Variants in RFX7 observed in about 807,000 individuals in gnomAD.
RFX7 encodes the protein regulatory factor X7.
Under a neutral mutation model 111.8 loss-of-function variants are expected in RFX7, and 26 were observed. That is an observed-to-expected ratio of 0.23 (90% CI 0.17 to 0.32). The LOEUF is 0.32. Ranked by LOEUF, RFX7 falls within the 10% of genes least tolerant of loss-of-function variation. The pLI is 1.00. For synonymous variants in RFX7, 624 were observed against 624.4 expected (o/e 1.00, Z 0.01); for missense variants, 1,573 against 1,772.9 (o/e 0.89, Z 2.02).
intron 2 of RFX7, among the ~76,000 whole-genome samples, chr15:56,206,418 C>T (rs1264696682): frequency 2.6e-5 from 4 of 152,024 alleles, no homozygotes; most frequent in African/African-American, 9.7e-5. Flanking sequence ...GTGGCTGGTG[C>T]ACAATCATGA....
intron 2 of RFX7, among the ~76,000 whole-genome samples, chr15:56,194,447 C>T (rs1322202982): frequency 2.0e-5 from 3 of 152,072 alleles, no homozygotes; most frequent in Non-Finnish European, 2.9e-5. Context: ...TTAGCTTCTA[C>T]CCCTATAAAA....
chr15:56,150,023 TCGGGGGGTTGCGGGGTGGGG>T (rs568432751), intron 3 of RFX7, among the ~76,000 whole-genome samples: 52 of 89,096 alleles, frequency 5.8e-4, no homozygotes, highest in African/African-American at 1.8e-3. Flanking sequence ...TCGACCTTGG[TCGGGGGGTTGCGGGGTGGGG>T]CGGGGGGGTC....
chr15:56,125,606 T>TGA lies in RFX7; in HGVS notation c.401+17171_401+17172insTC, dbSNP rs1197014489. ...GTATTCTGAGGGTTTCTTCTGTGTG[T>TGA]GTGAGTGTGTGTGTGTGTGTGTGTG... On this transcript the variant is annotated intron_variant, in intron 5 of 9. Transcript: ENST00000559447. Among the ~76,000 whole-genome samples, 533 of 87,454 alleles carry TGA rather than the reference T, an allele frequency of 6.1e-3. 6 individuals are homozygous for TGA. Among genetic ancestry groups the TGA allele is most frequent in the African/African-American group, 0.021 (519 of 24,520 alleles). 57.4% of individuals were successfully genotyped at this position (87,454 alleles called of 152,430 possible).
intron 2 of RFX7, among the ~76,000 whole-genome samples, chr15:56,224,467 TTGTGTGTGTG>T (rs58795247): frequency 6.8e-6 from 1 of 147,204 alleles, no homozygotes; most frequent in African/African-American, 2.5e-5. Flanking sequence ...GATTAGGATT[TTGTGTGTGTG>T]TGTGTGTGTG....
chr15:56,095,933 T>A lies in RFX7; in HGVS notation c.1795A>T (p.Arg599Trp). 1 of 1,606,788 alleles carries A rather than the reference T, an allele frequency of 6.2e-7. No individual in the cohort carries two copies. The change falls in exon 10 of 10, where the codon AGG becomes TGG. Residue 599 changes from arginine (R) to tryptophan (W), a missense_variant. Coordinates refer to ENST00000559447, the MANE Select transcript of RFX7 (RefSeq NM_022841.7). Reference sequence around the variant, plus strand: ...TTACAGCGACTTTTACATTTGGTCCTCTGGTCACAGACCTTAGTTGCTTTT... The same window carrying A: ...TTACAGCGACTTTTACATTTGGTCCACTGGTCACAGACCTTAGTTGCTTTT... Reference protein sequence around the residue: ...EIKATKVCDQRTKCKSRCNEM... With the variant: ...EIKATKVCDQWTKCKSRCNEM...
intron 2 of RFX7, among the ~76,000 whole-genome samples, chr15:56,241,630 G>A (rs192336199): frequency 6.6e-6 from 1 of 152,106 alleles, no homozygotes; most frequent in Admixed American, 6.5e-5. Flanking sequence ...AAACCTTGAT[G>A]GCAAGCAAGA....
At chr15:56,188,968 G>A (rs1034974644) in intron 2 of RFX7, among the ~76,000 whole-genome samples, 7 of 152,032 alleles carry the variant, frequency 4.6e-5, no homozygotes, top group East Asian at 1.9e-4. Flanking sequence ...CAGTAGCTAC[G>A]CCACCATGCC....
intron 2 of RFX7, among the ~76,000 whole-genome samples, chr15:56,238,691 G>A (rs1198616677): frequency 6.6e-6 from 1 of 152,126 alleles, no homozygotes; most frequent in Non-Finnish European, 1.5e-5. Flanking sequence ...CTAAATTTGA[G>A]TAAATGCAGT....
intron 5 of RFX7, among the ~76,000 whole-genome samples, chr15:56,104,405 T>C (rs1024634160): frequency 6.6e-6 from 1 of 152,180 alleles, no homozygotes; most frequent in Non-Finnish European, 1.5e-5. Flanking sequence ...CCACACCTTA[T>C]TCTGGCCACC....
intron 2 of RFX7, among the ~76,000 whole-genome samples, chr15:56,209,289 G>GAA (rs765258300): frequency 1.5e-5 from 2 of 129,668 alleles, no homozygotes; most frequent in African/African-American, 2.8e-5. Flanking sequence ...AGTGTCAAGA[G>GAA]AAAAAAAAAA....
chr15:56,127,665 A>AGCCTCC (rs2042161936), intron 5 of RFX7, among the ~76,000 whole-genome samples: 1 of 150,740 alleles, frequency 6.6e-6, no homozygotes, highest in African/African-American at 2.4e-5. Context: ...CTCCTGCCTC[A>AGCCTCC]GCCTCCCATG....
chr15:56,154,478 A>G (rs1326207239), intron 3 of RFX7, among the ~76,000 whole-genome samples: 3 of 152,228 alleles, frequency 2.0e-5, no homozygotes, highest in Non-Finnish European at 4.4e-5. Flanking sequence ...ATAACTCCGC[A>G]TATCTACAAC....
chr15:56,141,890 T>C (rs766554829), intron 5 of RFX7, among the ~76,000 whole-genome samples: 5 of 151,860 alleles, frequency 3.3e-5, no homozygotes, highest in Non-Finnish European at 5.9e-5. Flanking sequence ...ATTTCAGATA[T>C]TTTTATCTAG....
At chr15:56,209,754 C>A (rs2043291603) in intron 2 of RFX7, among the ~76,000 whole-genome samples, 1 of 151,746 alleles carries the variant, frequency 6.6e-6, no homozygotes, top group Non-Finnish European at 1.5e-5. Context: ...AAAAGTGGAC[C>A]TGGATTAGTT....
chr15:56,220,760 T>C (rs2043418473), intron 2 of RFX7, among the ~76,000 whole-genome samples: 1 of 152,224 alleles, frequency 6.6e-6, no homozygotes, highest in South Asian at 2.1e-4. Context: ...CCGGTTCCTA[T>C]GACCAGAATG....
At chr15:56,171,182 T>C (rs1216770826) in intron 3 of RFX7, among the ~76,000 whole-genome samples, 2 of 152,122 alleles carry the variant, frequency 1.3e-5, no homozygotes, top group East Asian at 1.9e-4. Flanking sequence ...ACTGACTAGT[T>C]GTAAAGCAGG....
At chr15:56,237,121 A>G (rs2043632340) in intron 2 of RFX7, among the ~76,000 whole-genome samples, 3 of 152,170 alleles carry the variant, frequency 2.0e-5, no homozygotes, top group Non-Finnish European at 4.4e-5. Context: ...ATTGTTGTCA[A>G]TATTGATTTA....
At chr15:56,243,066 C>CCCCATTGA in intron 2 of RFX7, 59 bp downstream of exon 2, 1 of 1,161,762 alleles carries the variant, frequency 8.6e-7, no homozygotes. Flanking sequence ...GCCCCCCACC[C>CCCCATTGA]ACTTTGCAGC....
intron 5 of RFX7, among the ~76,000 whole-genome samples, chr15:56,121,212 CTTT>C (rs1392641594): frequency 6.6e-6 from 1 of 152,092 alleles, no homozygotes; most frequent in African/African-American, 2.4e-5. Flanking sequence ...CTGTGAAAAT[CTTT>C]TTATTTCCTT....
Sources: allele counts gnomAD v4.1 joint callset (sites outside exome capture counted in the v4.1 genomes callset), GRCh38; gene constraint gnomAD v4.1.1; transcripts MANE v1.5; gene names NCBI Gene and HGNC (gene_info 2026-07-23, HGNC 2026-07-21).